JAKMIP3: variants seen among roughly 807,000 people sequenced by gnomAD.
JAKMIP3 encodes janus kinase and microtubule-interacting protein 3.
A neutral mutation model predicts 118.5 loss-of-function variants in JAKMIP3; 58 were observed. The ratio of observed to expected loss-of-function variants is 0.49; its 90% confidence interval spans 0.40 to 0.61. The LOEUF (loss-of-function observed/expected upper bound fraction) is 0.61. Ranked by LOEUF, JAKMIP3 falls within the 20% of genes least tolerant of loss-of-function variation. The pLI is 0.00. For synonymous variants in JAKMIP3, 486 were observed against 451.2 expected (o/e 1.08, Z -0.98); for missense variants, 950 against 1,109.0 (o/e 0.86, Z 2.04).
chr10:132,107,978 C>T (rs1013325498), intron 2 of JAKMIP3, among the ~76,000 whole-genome samples: 7 of 152,234 alleles, frequency 4.6e-5, no homozygotes, highest in Non-Finnish European at 8.8e-5. Flanking sequence ...ATCCAGCTGG[C>T]TCCCAAGGGC....
intron 2 of JAKMIP3, among the ~76,000 whole-genome samples, chr10:132,107,352 T>A (rs1051623844): frequency 6.6e-6 from 1 of 152,168 alleles, no homozygotes; most frequent in African/African-American, 2.4e-5. Flanking sequence ...CGCTCCTTGA[T>A]GGTCAACAGG....
At chr10:132,050,135 C>G (rs1455293202) in intron 1 of JAKMIP3, among the ~76,000 whole-genome samples, 1 of 152,174 alleles carries the variant, frequency 6.6e-6, no homozygotes, top group East Asian at 1.9e-4. Flanking sequence ...CCCGGAAGTT[C>G]TGTGTTTGGA....
At chr10:132,121,426 T>A (rs2048513053) in intron 3 of JAKMIP3, among the ~76,000 whole-genome samples, 1 of 152,164 alleles carries the variant, frequency 6.6e-6, no homozygotes, top group Non-Finnish European at 1.5e-5. Flanking sequence ...GCTGTTTCTG[T>A]GGCCATAGCA....
chr10:132,070,451 C>G (rs1416108681), intron 1 of JAKMIP3, among the ~76,000 whole-genome samples: 2 of 152,150 alleles, frequency 1.3e-5, no homozygotes, highest in Non-Finnish European at 2.9e-5. Context: ...CCCGACCTGT[C>G]CTCTGTCCTC....
At chr10:132,180,981 G>T (rs2061380518) in intron 23 of JAKMIP3, among the ~76,000 whole-genome samples, 1 of 149,206 alleles carries the variant, frequency 6.7e-6, no homozygotes, top group East Asian at 1.9e-4. Context: ...GTGGGCATGT[G>T]TGTGTAGTGT....
At chr10:132,136,357 A>G (rs1001345767) in intron 6 of JAKMIP3, among the ~76,000 whole-genome samples, 4 of 152,200 alleles carry the variant, frequency 2.6e-5, no homozygotes, top group African/African-American at 9.6e-5. Flanking sequence ...GGCCTGGAAC[A>G]GGTGGCCTCC....
In JAKMIP3 at chr10:132,087,402, A is replaced by G. The variant is rs564712154; in HGVS notation, c.-137-17270A>G. 3.3e-5 allele frequency among the ~76,000 whole-genome samples: 5 copies of G among 152,272 alleles called. No individual in the cohort carries two copies. The South Asian group carries it at 1.0e-3, about 32-fold the overall frequency. On this transcript the variant is annotated intron_variant, in intron 1 of 23. Coordinates refer to ENST00000684848, the MANE Select transcript of JAKMIP3 (RefSeq NM_001323087.2). ...TTGAGCTTCTTGTATCTGGATGTCT[A>G]GGTCTCTAGCAAGGCTGGGGAAGTT...
chr10:132,180,730 C>CGTGT lies in JAKMIP3; in HGVS notation c.*1104-1623_*1104-1620dup, dbSNP rs1211226738. 9.2e-3 allele frequency among the ~76,000 whole-genome samples: 80 copies of CGTGT among 8,672 alleles called. 4 individuals are homozygous for CGTGT. The highest frequency in any genetic ancestry group is 0.042 in the Admixed American group (28 of 670). 5.7% of individuals were successfully genotyped at this position (8,672 alleles called of 152,430 possible). On this transcript the variant is annotated intron_variant, in intron 23 of 23. Coordinates refer to ENST00000684848, the MANE Select transcript of JAKMIP3 (RefSeq NM_001323087.2). ...GTGCGCGTGTGTGTGCGTGTGTGTG[C>CGTGT]GTGTGTGCGTGCGTGCGCGCGCGTG...
chr10:132,087,604 T>C (rs58690986), intron 1 of JAKMIP3, among the ~76,000 whole-genome samples: 76 of 151,844 alleles, frequency 5.0e-4, no homozygotes, highest in African/African-American at 1.7e-3. Context: ...GAAAACCTTA[T>C]CTTCAGGCTC....
At chr10:132,068,919 G>A (rs951799122) in intron 1 of JAKMIP3, among the ~76,000 whole-genome samples, 1 of 152,174 alleles carries the variant, frequency 6.6e-6, no homozygotes, top group East Asian at 1.9e-4. Context: ...AAGTGAAGCC[G>A]GAATTCAAAC....
chr10:132,090,224 T>TA (rs1378442160), intron 1 of JAKMIP3, among the ~76,000 whole-genome samples: 4 of 152,248 alleles, frequency 2.6e-5, no homozygotes, highest in Non-Finnish European at 5.9e-5. Flanking sequence ...GCTGGCCTCA[T>TA]AAAATGAGTT....
chr10:132,078,000 C>T lies in JAKMIP3; in HGVS notation c.-138+11939C>T, dbSNP rs534083102. ...CTAATTTTTGTATTTTTAGTAGAGA[C>T]GGGGTTTCACTATGTTGGCCAGGCT... On this transcript the variant is annotated intron_variant, in intron 1 of 23. Transcript: ENST00000684848. Among the ~76,000 whole-genome samples, 11 of 152,224 alleles carry T rather than the reference C, an allele frequency of 7.2e-5. 1 individual carries two copies. The highest frequency in any genetic ancestry group is 2.4e-4 in the African/African-American group (10 of 41,544).
At chr10:132,037,721 G>A (rs2037558616) in intron 1 of JAKMIP3, among the ~76,000 whole-genome samples, 1 of 152,228 alleles carries the variant, frequency 6.6e-6, no homozygotes, top group African/African-American at 2.4e-5. Flanking sequence ...AGGGCGGAGT[G>A]TCTCCAGGAG....
chr10:132,167,822 G>GCCCTCGGCCCTCGCCCCTCGC (rs1343447889), intron 22 of JAKMIP3, 131 bp from the exon 23 acceptor site: 2 of 398,484 alleles, frequency 5.0e-6, no homozygotes, highest in African/African-American at 4.3e-5. Context: ...TCACCCCTCG[G>GCCCTCGGCCCTCGCCCCTCGC]CCCTCACCCC....
At chr10:132,115,449 C>T (rs1301834032) in intron 2 of JAKMIP3, among the ~76,000 whole-genome samples, 2 of 152,216 alleles carry the variant, frequency 1.3e-5, no homozygotes, top group African/African-American at 4.8e-5. Flanking sequence ...CATCTGGGCC[C>T]TTCTAGGCGC....
intron 19 of JAKMIP3, among the ~76,000 whole-genome samples, chr10:132,155,107 CGATGATGGTCAT>C (rs1298793283): frequency 3.9e-5 from 2 of 51,396 alleles, no homozygotes; most frequent in African/African-American, 1.5e-4. Context: ...ATGATGGTGG[CGATGATGGTCAT>C]GATGATGGTG....
chr10:132,139,049 A>AGAGTGTGTGTGTGTGTGTGT (rs71228743), intron 9 of JAKMIP3, among the ~76,000 whole-genome samples: 2 of 150,080 alleles, frequency 1.3e-5, no homozygotes, highest in Non-Finnish European at 3.0e-5. Flanking sequence ...CTTTATGTTG[A>AGAGTGTGTGTGTGTGTGTGT]GTGTGTGTGT....
intron 1 of JAKMIP3, among the ~76,000 whole-genome samples, chr10:132,101,597 A>G (rs919205472): frequency 6.6e-6 from 1 of 152,188 alleles, no homozygotes; most frequent in Non-Finnish European, 1.5e-5. Flanking sequence ...TCAATGCCCT[A>G]TGACAGCCAG....
chr10:132,085,747 C>G (rs187546177), intron 1 of JAKMIP3, among the ~76,000 whole-genome samples: 1 of 152,338 alleles, frequency 6.6e-6, no homozygotes, highest in East Asian at 1.9e-4. Flanking sequence ...GATCCACCCA[C>G]CTCGGCCTCC....
Sources: allele counts gnomAD v4.1 joint callset (sites outside exome capture counted in the v4.1 genomes callset), GRCh38; gene constraint gnomAD v4.1.1; transcripts MANE v1.5; gene names NCBI Gene and HGNC (gene_info 2026-07-23, HGNC 2026-07-21).